MAK: variants seen among roughly 807,000 people sequenced by gnomAD.
MAK encodes the protein serine/threonine-protein kinase MAK.
A neutral mutation model predicts 82.6 loss-of-function variants in MAK; 65 were observed. That is an observed-to-expected ratio of 0.79 (90% CI 0.64 to 0.97). The LOEUF is 0.97. Ranked by LOEUF, MAK falls within the 50% of genes least tolerant of loss-of-function variation. The pLI is 0.00. For synonymous variants in MAK, 250 were observed against 274.2 expected (o/e 0.91, Z 0.87); for missense variants, 703 against 780.2 (o/e 0.90, Z 1.18).
chr6:10,810,374 C>T lies in MAK; in HGVS notation c.359-1432G>A, dbSNP rs1394756766. The stretch of plus-strand genomic sequence containing the variant: ...TTTTTTTTTTTTTTTTGTTTTGAGA[C>T]GGAGTCTTGCTCTGGAGTGTAGTGG... On this transcript the variant is annotated intron_variant, in intron 5 of 14. Coordinates refer to ENST00000354489, the MANE Select transcript of MAK (RefSeq NM_001242957.3). Among the ~76,000 whole-genome samples the T allele has an allele frequency of 2.3e-5, 3 of 131,404 alleles. No homozygotes were observed. The East Asian group carries it at 6.8e-4, about 30-fold the overall frequency. The allele number at this position is 131,404 out of a possible 152,430, so 86.2% of individuals were successfully genotyped here. A position where few individuals can be genotyped will look rare whatever the true frequency, so the allele number is the denominator to read the frequency against.
chr6:10,823,871 C>T (rs1778150235), intron 2 of MAK, among the ~76,000 whole-genome samples: 1 of 152,070 alleles, frequency 6.6e-6, no homozygotes, highest in Non-Finnish European at 1.5e-5. Flanking sequence ...ATCGATGGAT[C>T]TTAAAGCGGT....
chr6:10,835,467 C>A, intron 1 of MAK, among the ~76,000 whole-genome samples: 1 of 152,230 alleles, frequency 6.6e-6, no homozygotes, highest in East Asian at 1.9e-4. Flanking sequence ...ACCACGTTGG[C>A]CAGGCTGGTC....
chr6:10,783,892 A>G (rs573460395), intron 11 of MAK, among the ~76,000 whole-genome samples: 2 of 152,148 alleles, frequency 1.3e-5, no homozygotes, highest in East Asian at 1.9e-4. Flanking sequence ...GGTGGCTCGC[A>G]CCTGTAGTCC....
intron 11 of MAK, among the ~76,000 whole-genome samples, chr6:10,778,587 G>C (rs1773666095): frequency 6.6e-6 from 1 of 152,092 alleles, no homozygotes; most frequent in Admixed American, 6.6e-5. Flanking sequence ...AACAGTTTGG[G>C]CAGAGGACCT....
chr6:10,801,713 C>T (rs1193501364), intron 8 of MAK, among the ~76,000 whole-genome samples, 179 bp downstream of exon 8: 2 of 152,178 alleles, frequency 1.3e-5, no homozygotes, highest in African/African-American at 4.8e-5. Context: ...CTGCATTTCT[C>T]CCAATGATAT....
At chr6:10,782,202 T>TCACTCACACACACACACA (rs1774046651) in intron 11 of MAK, among the ~76,000 whole-genome samples, 1 of 146,054 alleles carries the variant, frequency 6.8e-6, no homozygotes, top group African/African-American at 2.5e-5. Context: ...TGAAACTCTG[T>TCACTCACACACACACACA]CACACACACA....
intron 10 of MAK, among the ~76,000 whole-genome samples, chr6:10,789,487 A>G (rs1774892625): frequency 6.6e-6 from 1 of 152,190 alleles, no homozygotes; most frequent in Non-Finnish European, 1.5e-5. Context: ...AACCACAGAT[A>G]GTATCAAACC....
Position 10,815,930 on chromosome 6 carries a change from AT to A in MAK, c.278+1919del, listed in dbSNP as rs1561991781. ...TTATACAGTATATATATATATATAT[AT>A]ATATATATATATATATGTATGTTTT... On this transcript the variant is annotated intron_variant, in intron 4 of 14. Transcript: ENST00000354489. Among the ~76,000 whole-genome samples the A allele has an allele frequency of 3.6e-4, 48 of 133,338 alleles. 1 individual carries two copies. The highest frequency in any genetic ancestry group is 1.6e-3 in the African/African-American group (46 of 28,942). The allele number at this position is 133,338 out of a possible 152,430, so 87.5% of individuals were successfully genotyped here.
chr6:10,813,949 G>C (rs1358603436), intron 4 of MAK, among the ~76,000 whole-genome samples: 4 of 145,286 alleles, frequency 2.8e-5, no homozygotes, highest in East Asian at 2.0e-4. Flanking sequence ...TGAATATATT[G>C]CACACATATT....
At chr6:10,804,923 C>G (rs1180302051) in intron 6 of MAK, among the ~76,000 whole-genome samples, 1 of 152,148 alleles carries the variant, frequency 6.6e-6, no homozygotes, top group Admixed American at 6.5e-5. Context: ...GCATTTCTGG[C>G]TGGGCCAATG....
chr6:10,789,871 G>T (rs1157858683), intron 10 of MAK, among the ~76,000 whole-genome samples: 1 of 152,064 alleles, frequency 6.6e-6, no homozygotes, highest in South Asian at 2.1e-4. Context: ...GGCCAGGCTG[G>T]TCTCAATCTC....
chr6:10,813,118 ATATATATATATATATAAATTTTTTT>A (rs1777132199), intron 5 of MAK, among the ~76,000 whole-genome samples: 2 of 3,240 alleles, frequency 6.2e-4, no homozygotes, highest in African/African-American at 1.7e-3. Flanking sequence ...ATATATATAT[ATATATATATATATATAAATTTTTTT>A]TTTTTTTTTT....
chr6:10,836,585 TC>T (rs1779161359), intron 1 of MAK, among the ~76,000 whole-genome samples: 1 of 152,212 alleles, frequency 6.6e-6, no homozygotes, highest in Admixed American at 6.5e-5. Flanking sequence ...AACACAGGCT[TC>T]CCATGGTTCT....
intron 2 of MAK, among the ~76,000 whole-genome samples, chr6:10,819,327 C>CT (rs1247381294): frequency 1.3e-5 from 2 of 152,168 alleles, no homozygotes; most frequent in Non-Finnish European, 2.9e-5. Flanking sequence ...GAAGTAACTA[C>CT]AAACGTTAGA....
In MAK at chr6:10,830,561, C is replaced by G. The variant is rs1439418721; in HGVS notation, c.88G>C (p.Val30Leu). Residue 30 changes from valine to leucine, a missense_variant, in exon 2 of 15, where the codon GTG becomes CTG. Physicochemically the swap from Val to Leu is conservative, Grantham distance 32. Coordinates refer to ENST00000354489, the MANE Select transcript of MAK (RefSeq NM_001242957.3). ...CACACACAGTACCTTTTGATGGCCA[C>G]CAGCTCCCCGGATTCATTACTCTTG... is the stretch of plus-strand genomic sequence containing the variant. ...MGKSNESGEL[V>L]AIKRMKRKFY... The G allele has an allele frequency of 6.2e-7, 1 of 1,613,856 alleles. No homozygotes were observed. Among genetic ancestry groups the G allele is most frequent in the African/African-American group, 1.3e-5 (1 of 74,898 alleles).
At chr6:10,784,935 T>G (rs1452362187) in intron 10 of MAK, 1 of 471,878 alleles carries the variant, frequency 2.1e-6, no homozygotes, top group South Asian at 1.5e-5. Context: ...CTAAAATAAT[T>G]TACAATCAAT....
At chr6:10,805,536 G>A (rs978335770) in intron 6 of MAK, among the ~76,000 whole-genome samples, 1 of 150,190 alleles carries the variant, frequency 6.7e-6, no homozygotes, top group Non-Finnish European at 1.5e-5. Context: ...GCAGTGAGCC[G>A]AGATCGTGCC....
intron 5 of MAK, among the ~76,000 whole-genome samples, chr6:10,812,334 T>A (rs766529907): frequency 2.0e-5 from 3 of 152,224 alleles, no homozygotes; most frequent in South Asian, 2.1e-4. Context: ...TATCTAAACA[T>A]CTAGTGATTC....
intron 1 of MAK, among the ~76,000 whole-genome samples, chr6:10,837,237 A>C (rs1240000622): frequency 6.6e-6 from 1 of 152,268 alleles, no homozygotes; most frequent in Non-Finnish European, 1.5e-5. Flanking sequence ...AAAGCAACGC[A>C]GGAAAAAAAG....
Sources: gnomAD v4.1 joint callset for allele counts (sites outside exome capture counted in the v4.1 genomes callset) on GRCh38, gnomAD v4.1.1 for gene constraint, MANE v1.5 for transcripts, NCBI Gene and HGNC (gene_info 2026-07-23, HGNC 2026-07-21) for gene names.